The following SYT1 variants were observed in gnomAD, a reference collection of about 807,000 sequenced individuals.
SYT1 encodes the protein synaptotagmin 1.
In SYT1, 8 loss-of-function variants were observed where a neutral mutation model predicts 44.8. That is an observed-to-expected ratio of 0.18 (90% confidence interval 0.10 to 0.32). The LOEUF (loss-of-function observed/expected upper bound fraction) is 0.32, where lower values mean the gene tolerates loss of function less well. Ranked by LOEUF, SYT1 falls within the 10% of genes least tolerant of loss-of-function variation. The pLI, the probability that SYT1 is intolerant of heterozygous loss-of-function variation, is 1.00. For missense variants in SYT1, 286 were observed against 509.3 expected (o/e 0.56, Z 4.22); for synonymous variants, 154 against 188.8 (o/e 0.82, Z 1.51).
At chr12:79,058,656 C>T (rs193118537) in intron 3 of SYT1, among the ~76,000 whole-genome samples, 4 of 152,128 alleles carry the variant, frequency 2.6e-5, no homozygotes, top group East Asian at 1.9e-4. Context: ...TCTCACTTCC[C>T]GACCCCCACA....
At chr12:79,044,646 T>C (rs1380332376) in intron 2 of SYT1, among the ~76,000 whole-genome samples, 1 of 150,232 alleles carries the variant, frequency 6.7e-6, no homozygotes, top group Admixed American at 6.6e-5. Context: ...TCATTCTCCA[T>C]CCAGCTTTGT....
intron 1 of SYT1, among the ~76,000 whole-genome samples, chr12:78,878,409 G>A (rs1874286248): frequency 6.6e-6 from 1 of 151,798 alleles, no homozygotes. Context: ...GCTAACATGT[G>A]AAGGTCTGTA....
At chr12:79,149,682 G>T (rs1334717177) in intron 3 of SYT1, among the ~76,000 whole-genome samples, 1 of 152,100 alleles carries the variant, frequency 6.6e-6, no homozygotes, top group Non-Finnish European at 1.5e-5. Context: ...TGTAAGGGAG[G>T]TGCTTAAACA....
At chr12:79,252,694 G>A (rs935449545) in intron 4 of SYT1, among the ~76,000 whole-genome samples, 3 of 152,096 alleles carry the variant, frequency 2.0e-5, no homozygotes, top group Admixed American at 6.6e-5. Context: ...CTGATCCACC[G>A]TAGACCTGTA....
intron 3 of SYT1, among the ~76,000 whole-genome samples, chr12:79,211,328 C>T (rs1217070804): frequency 1.3e-5 from 2 of 152,124 alleles, no homozygotes; most frequent in Non-Finnish European, 2.9e-5. Context: ...ATTTCTGGCA[C>T]TTCTAATATT....
At chr12:79,146,736 G>A (rs979580934) in intron 3 of SYT1, among the ~76,000 whole-genome samples, 3 of 152,166 alleles carry the variant, frequency 2.0e-5, no homozygotes, top group African/African-American at 4.8e-5. Context: ...GGCCATTGAA[G>A]TTCATCAAAG....
chr12:79,443,009 C>G lies in SYT1; in HGVS notation c.929-1064C>G, dbSNP rs145434695. On this transcript the variant is annotated intron_variant, in intron 9 of 10. Coordinates refer to ENST00000261205, the MANE Select transcript of SYT1 (RefSeq NM_005639.3). ...AAAACAGTAGAGATTTTCCTTTCAACCGTGAGCATTGGTTTCTAGTGACCT... is the reference window on the plus strand; with the variant it reads ...AAAACAGTAGAGATTTTCCTTTCAAGCGTGAGCATTGGTTTCTAGTGACCT... Among the ~76,000 whole-genome samples, 200 of 152,206 alleles carry G rather than the reference C, an allele frequency of 1.3e-3. 2 individuals carry two copies. The highest frequency in any genetic ancestry group is 4.7e-3 in the African/African-American group (196 of 41,536).
chr12:79,430,029 A>G (rs192380116), intron 9 of SYT1, among the ~76,000 whole-genome samples: 9 of 152,344 alleles, frequency 5.9e-5, no homozygotes, highest in African/African-American at 1.7e-4. Context: ...AAAGGAAGAC[A>G]GTCCCTCTAG....
intron 8 of SYT1, among the ~76,000 whole-genome samples, chr12:79,344,602 A>G (rs1367262726): frequency 6.6e-6 from 1 of 151,992 alleles, no homozygotes; most frequent in Non-Finnish European, 1.5e-5. Context: ...ATAGGCACGC[A>G]TCACACCACA....
chr12:79,024,268 A>C (rs1336249608), intron 2 of SYT1, among the ~76,000 whole-genome samples: 1 of 151,770 alleles, frequency 6.6e-6, no homozygotes, highest in Non-Finnish European at 1.5e-5. Flanking sequence ...GCCAGCAAGC[A>C]GCAAGGCAAA....
intron 1 of SYT1, among the ~76,000 whole-genome samples, chr12:78,939,059 A>C (rs1878216248): frequency 6.6e-6 from 1 of 152,222 alleles, no homozygotes; most frequent in African/African-American, 2.4e-5. Context: ...TACTGTGTGC[A>C]TCTGAAGAGC....
At chr12:79,009,528 G>A (rs1284658293) in intron 2 of SYT1, among the ~76,000 whole-genome samples, 1 of 152,114 alleles carries the variant, frequency 6.6e-6, no homozygotes, top group Non-Finnish European at 1.5e-5. Flanking sequence ...CTGGTACCAT[G>A]ATAAACACGT....
chr12:79,193,058 T>C (rs1002719991), intron 3 of SYT1, among the ~76,000 whole-genome samples: 4 of 152,120 alleles, frequency 2.6e-5, no homozygotes, highest in African/African-American at 9.7e-5. Flanking sequence ...CAAAACAATT[T>C]CTTAATAGCC....
intron 2 of SYT1, among the ~76,000 whole-genome samples, chr12:78,993,041 T>C (rs537783106): frequency 4.0e-4 from 61 of 152,204 alleles, no homozygotes; most frequent in Non-Finnish European, 7.3e-4. Context: ...AGCAACAAGA[T>C]GGCAACTGTA....
intron 8 of SYT1, among the ~76,000 whole-genome samples, chr12:79,350,062 G>A (rs116843492): frequency 0.017 from 2,649 of 151,982 alleles, 44 homozygotes; most frequent in East Asian, 0.098. Flanking sequence ...ATTCGTACTG[G>A]CATGAGTCTT....
intron 1 of SYT1, among the ~76,000 whole-genome samples, chr12:78,903,690 T>G (rs1384818602): frequency 6.6e-6 from 1 of 152,162 alleles, no homozygotes; most frequent in Non-Finnish European, 1.5e-5. Context: ...CTTTATTGGT[T>G]AAAGAGATAC....
intron 2 of SYT1, among the ~76,000 whole-genome samples, chr12:79,021,456 A>G (rs1162142338): frequency 6.6e-6 from 1 of 151,910 alleles, no homozygotes; most frequent in African/African-American, 2.4e-5. Flanking sequence ...TTGTGCATAT[A>G]TAGATAGTGA....
At chr12:79,115,607 G>A (rs1247580414) in intron 3 of SYT1, among the ~76,000 whole-genome samples, 1 of 152,184 alleles carries the variant, frequency 6.6e-6, no homozygotes, top group African/African-American at 2.4e-5. Flanking sequence ...TTTAAGAGCA[G>A]GAGGTAACCT....
intron 1 of SYT1, among the ~76,000 whole-genome samples, chr12:78,933,274 T>C (rs1414918610): frequency 1.3e-5 from 2 of 152,160 alleles, no homozygotes; most frequent in African/African-American, 4.8e-5. Context: ...GAGCCTGTCT[T>C]GTCTAAAATG....
Sources: gnomAD v4.1 joint callset for allele counts (sites outside exome capture counted in the v4.1 genomes callset) on GRCh38, gnomAD v4.1.1 for gene constraint, MANE v1.5 for transcripts, NCBI Gene and HGNC (gene_info 2026-07-23, HGNC 2026-07-21) for gene names.